FYB1: variants seen among roughly 807,000 people sequenced by gnomAD.
FYB1 encodes FYN binding protein 1, also known as FYN-binding protein 1.
Under a neutral mutation model 94.1 loss-of-function variants are expected in FYB1, and 41 were observed. The observed-to-expected ratio is 0.44, with a 90% confidence interval of 0.34 to 0.57. The LOEUF is 0.57. Ranked by LOEUF, FYB1 falls within the 20% of genes least tolerant of loss-of-function variation. FYB1 has a pLI of 0.02. For synonymous variants in FYB1, 367 were observed against 353.2 expected, an observed-to-expected ratio of 1.04 and a Z score of -0.44; for missense variants, 1,050 against 976.8, an observed-to-expected ratio of 1.07 and a Z score of -1.00.
chr5:39,129,374 A>G (rs1740980371), intron 10 of FYB1, among the ~76,000 whole-genome samples: 1 of 152,098 alleles, frequency 6.6e-6, no homozygotes, highest in East Asian at 1.9e-4. Flanking sequence ...AAACATAGAG[A>G]AAACACTCCA....
chr5:39,194,885 C>CT (rs1204478821), intron 2 of FYB1, among the ~76,000 whole-genome samples: 1 of 152,078 alleles, frequency 6.6e-6, no homozygotes, highest in Non-Finnish European at 1.5e-5. Flanking sequence ...TGGACAACTG[C>CT]TTTTTCAGGG....
At chr5:39,270,414 A>G (rs1752623977) in intron 1 of FYB1, among the ~76,000 whole-genome samples, 1 of 152,230 alleles carries the variant, frequency 6.6e-6, no homozygotes. Context: ...AACAAGACTC[A>G]GCAGCTTCAT....
At chr5:39,185,577 T>C (rs1484407422) in intron 2 of FYB1, among the ~76,000 whole-genome samples, 1 of 146,200 alleles carries the variant, frequency 6.8e-6, no homozygotes, top group East Asian at 2.0e-4. Flanking sequence ...TGTATATATA[T>C]ACATATATAC....
intron 12 of FYB1, among the ~76,000 whole-genome samples, chr5:39,125,776 C>G (rs1414918036): frequency 1.3e-5 from 2 of 152,030 alleles, no homozygotes; most frequent in African/African-American, 4.8e-5. Context: ...TAAAATATAT[C>G]TTTGAACTAT....
intron 2 of FYB1, among the ~76,000 whole-genome samples, chr5:39,190,768 T>TTTTGTGTGTGTG (rs1554035736): frequency 6.8e-6 from 1 of 146,454 alleles, no homozygotes; most frequent in Non-Finnish European, 1.5e-5. Flanking sequence ...CCATGCTTAT[T>TTTTGTGTGTGTG]TGTGTGTGTG....
At chr5:39,201,803 T>C in intron 2 of FYB1, 23 bp downstream of exon 2, 2 of 1,592,142 alleles carry the variant, frequency 1.3e-6, no homozygotes, top group Non-Finnish European at 8.6e-7. Context: ...CCATACTGAA[T>C]AGCAAACGAG....
chr5:39,159,936 A>G (rs982104237), intron 2 of FYB1, among the ~76,000 whole-genome samples: 2 of 152,184 alleles, frequency 1.3e-5, no homozygotes, highest in Non-Finnish European at 2.9e-5. Context: ...GAAGAACAAC[A>G]GTATCCTTTT....
At chr5:39,175,567 T>C (rs1343549353) in intron 2 of FYB1, among the ~76,000 whole-genome samples, 1 of 152,228 alleles carries the variant, frequency 6.6e-6, no homozygotes, top group Non-Finnish European at 1.5e-5. Flanking sequence ...CTGTGTAATT[T>C]AATAATAGGC....
intron 1 of FYB1, among the ~76,000 whole-genome samples, chr5:39,203,452 A>C (rs1343701083): frequency 6.6e-6 from 1 of 152,210 alleles, no homozygotes; most frequent in Non-Finnish European, 1.5e-5. Context: ...TGCTTCATAC[A>C]GCATGGCCAT....
chr5:39,165,598 A>T (rs531110026), intron 2 of FYB1, among the ~76,000 whole-genome samples: 1 of 152,224 alleles, frequency 6.6e-6, no homozygotes, highest in South Asian at 2.1e-4. Flanking sequence ...CATGGCTAAG[A>T]CTTCAAAAGC....
At chr5:39,223,411 T>G (rs1278596024), upstream of FYB1, among the ~76,000 whole-genome samples, 1 of 152,218 alleles carries the variant, frequency 6.6e-6, no homozygotes, top group South Asian at 2.1e-4. Context: ...AGGAAACCAG[T>G]AATGTAATAT....
chr5:39,219,335 T>C (rs1019942975), intron 1 of FYB1, 108 bp downstream of exon 1: 16 of 645,048 alleles, frequency 2.5e-5, no homozygotes, highest in Admixed American at 1.3e-4. Flanking sequence ...TTCCTTCAGT[T>C]ATTCAGCTAG....
intron 12 of FYB1, among the ~76,000 whole-genome samples, chr5:39,124,519 T>C (rs1668824108): frequency 6.6e-6 from 1 of 152,178 alleles, no homozygotes; most frequent in African/African-American, 2.4e-5. Flanking sequence ...AGAGTCAAGA[T>C]ACTCAATTGG....
intron 3 of FYB1, among the ~76,000 whole-genome samples, chr5:39,150,972 A>T (rs900030742): frequency 2.6e-5 from 4 of 151,734 alleles, no homozygotes; most frequent in African/African-American, 9.7e-5. Flanking sequence ...AAGCGCTGCA[A>T]TCTCTATCAT....
intron 2 of FYB1, among the ~76,000 whole-genome samples, chr5:39,200,422 C>T (rs1196854761): frequency 6.6e-6 from 1 of 152,190 alleles, no homozygotes; most frequent in South Asian, 2.1e-4. Flanking sequence ...ATCAGAACTC[C>T]TTCCCTGGTG....
In FYB1 at chr5:39,215,934, A is replaced by G. The variant is rs147626211; in HGVS notation, c.-28+3509T>C. 1.5e-3 allele frequency among the ~76,000 whole-genome samples: 231 copies of G among 152,304 alleles called. 1 individual carries two copies. The highest frequency in any genetic ancestry group is 5.2e-3 in the African/African-American group (217 of 41,552). On this transcript the variant is annotated intron_variant, in intron 1 of 18. Transcript: ENST00000512982. Reference sequence around the variant, plus strand: ...GTAGGTAGCACTACATCCAATGACAAGTGTCCTTATAAGATAGAGAAGAAG... The same window carrying G: ...GTAGGTAGCACTACATCCAATGACAGGTGTCCTTATAAGATAGAGAAGAAG...
intron 1 of FYB1, among the ~76,000 whole-genome samples, chr5:39,237,506 T>C (rs1751019521): frequency 6.6e-6 from 1 of 152,062 alleles, no homozygotes; most frequent in Non-Finnish European, 1.5e-5. Flanking sequence ...CAAATAGAAT[T>C]TTTTGCTTAC....
At chr5:39,176,894 G>T (rs2150412382) in intron 2 of FYB1, among the ~76,000 whole-genome samples, 1 of 152,262 alleles carries the variant, frequency 6.6e-6, no homozygotes, top group Non-Finnish European at 1.5e-5. Flanking sequence ...ACCACAACTA[G>T]GTTTCATCTT....
chr5:39,194,436 G>T (rs940705696), intron 2 of FYB1, among the ~76,000 whole-genome samples: 2 of 152,036 alleles, frequency 1.3e-5, no homozygotes, highest in African/African-American at 2.4e-5. Flanking sequence ...TGAAGTGGAG[G>T]GATTTGTGCC....
Sources: allele counts gnomAD v4.1 joint callset (sites outside exome capture counted in the v4.1 genomes callset), GRCh38; gene constraint gnomAD v4.1.1; transcripts MANE v1.5; gene names NCBI Gene and HGNC (gene_info 2026-07-23, HGNC 2026-07-21).